Variants in FAAH2 observed in about 807,000 individuals in gnomAD.
The protein encoded by FAAH2 is fatty acid amide hydrolase 2, also known as fatty-acid amide hydrolase 2.
A neutral mutation model predicts 36.9 loss-of-function variants in FAAH2; 60 were observed. The ratio of observed to expected loss-of-function variants is 1.63; its 90% CI spans 1.32 to 2.02. The LOEUF (loss-of-function observed/expected upper bound fraction) is 2.02. FAAH2 is among the 30% of genes most tolerant of loss of function. The pLI, the probability that FAAH2 is intolerant of heterozygous loss-of-function variation, is 0.00. For synonymous variants in FAAH2, 214 were observed against 143.8 expected, an observed-to-expected ratio of 1.49 and a Z score of -3.49; for missense variants, 689 against 397.5, an observed-to-expected ratio of 1.73 and a Z score of -6.23.
chrX:57,221,709 T>G, the FAAH2 span, among the ~76,000 whole-genome samples: 1 of 111,205 alleles, frequency 9.0e-6, no homozygotes, highest in African/African-American at 3.3e-5. Context: ...CTCATTTTTC[T>G]GTTCTAAACC....
intron 8 of FAAH2, among the ~76,000 whole-genome samples, chrX:57,433,707 C>T (rs961590490): frequency 8.9e-6 from 1 of 112,087 alleles, no homozygotes; most frequent in African/African-American, 3.2e-5. Flanking sequence ...AACACTAGAC[C>T]TTATTTCTTC....
intron 7 of FAAH2, among the ~76,000 whole-genome samples, chrX:57,423,974 T>C (rs889331226): frequency 1.8e-5 from 2 of 111,031 alleles, no homozygotes; most frequent in African/African-American, 6.6e-5. Context: ...CATTACAACA[T>C]CGGCCGACAC....
chrX:57,330,470 C>T (rs890161871), intron 3 of FAAH2, among the ~76,000 whole-genome samples: 7 of 111,446 alleles, frequency 6.3e-5, no homozygotes, highest in Admixed American at 9.5e-5. Context: ...CAATGGTGCC[C>T]GAAACTTCAT....
At chrX:57,347,604 G>GTTTTTTT (rs61323098) in intron 5 of FAAH2, among the ~76,000 whole-genome samples, 1 of 77,886 alleles carries the variant, frequency 1.3e-5, no homozygotes, top group African/African-American at 6.5e-5. Context: ...GGGATGCTAA[G>GTTTTTTT]TTTTTTTTTT....
chrX:57,163,657 G>C, the FAAH2 span, among the ~76,000 whole-genome samples: 1 of 112,206 alleles, frequency 8.9e-6, no homozygotes, highest in Non-Finnish European at 1.9e-5. Flanking sequence ...TCTTTGACTT[G>C]GAAAGGGAAC....
chrX:57,352,650 A>T (rs760631902), intron 5 of FAAH2, among the ~76,000 whole-genome samples: 2 of 111,369 alleles, frequency 1.8e-5, no homozygotes, highest in Admixed American at 1.9e-4. Context: ...ACATCCAATT[A>T]GAAAAAGACG....
At chrX:57,322,241 C>T (rs766597975) in intron 3 of FAAH2, among the ~76,000 whole-genome samples, 8 of 111,573 alleles carry the variant, frequency 7.2e-5, no homozygotes, top group African/African-American at 1.3e-4. Context: ...CCGCGCTCCT[C>T]GGCCTCCCAA....
chrX:57,445,947 G>A (rs1205724770), intron 8 of FAAH2, among the ~76,000 whole-genome samples: 2 of 112,303 alleles, frequency 1.8e-5, no homozygotes, highest in Non-Finnish European at 3.8e-5. Context: ...TTCAGGCCTC[G>A]GGCCATGTTA....
intron 1 of FAAH2, 52 bp downstream of exon 1, chrX:57,287,069 C>T: frequency 9.2e-7 from 1 of 1,081,242 alleles, no homozygotes; most frequent in South Asian, 2.6e-5. Context: ...TAGCAGGATC[C>T]AGGAAGCTTA....
chrX:57,285,398 G>A (rs1476218123), upstream of FAAH2, among the ~76,000 whole-genome samples: 1 of 112,181 alleles, frequency 8.9e-6, no homozygotes, highest in Non-Finnish European at 1.9e-5. Context: ...CCTATGTCAG[G>A]CTCTGGCAAT....
chrX:57,415,173 A>C (rs1051000441), intron 7 of FAAH2, among the ~76,000 whole-genome samples: 1 of 110,111 alleles, frequency 9.1e-6, no homozygotes, highest in Admixed American at 9.7e-5. Flanking sequence ...CTGTACAAAA[A>C]AAAACAGCTC....
the FAAH2 span, among the ~76,000 whole-genome samples, chrX:57,226,200 T>C: frequency 8.9e-6 from 1 of 112,029 alleles, no homozygotes; most frequent in Non-Finnish European, 1.9e-5. Context: ...GTGTACTTTG[T>C]TTTTGTTGTT....
chrX:57,261,757 A>T, the FAAH2 span, among the ~76,000 whole-genome samples: 1 of 110,037 alleles, frequency 9.1e-6, no homozygotes, highest in African/African-American at 3.3e-5. Context: ...AAAGTAAATC[A>T]CTCTGAGTTC....
chrX:57,151,480 A>G, the FAAH2 span, among the ~76,000 whole-genome samples: 2 of 110,930 alleles, frequency 1.8e-5, no homozygotes, highest in Non-Finnish European at 3.8e-5. Flanking sequence ...TTTTTTCTCT[A>G]AACTTCCCTT....
the FAAH2 span, among the ~76,000 whole-genome samples, chrX:57,204,896 G>T: frequency 6.5e-3 from 731 of 112,393 alleles, 5 homozygotes; most frequent in African/African-American, 0.023. Context: ...CTAGTAACGT[G>T]TTTAATATTC....
chrX:57,201,053 G>GTTTTTTTTTTT, the FAAH2 span, among the ~76,000 whole-genome samples: 3 of 96,543 alleles, frequency 3.1e-5, no homozygotes, highest in Non-Finnish European at 4.1e-5. Context: ...TAGGGTAAAA[G>GTTTTTTTTTTT]TTTTTTTTTT....
intron 7 of FAAH2, chrX:57,393,794 G>T (rs769669870): frequency 1.0e-5 from 9 of 876,442 alleles, no homozygotes; most frequent in East Asian, 3.1e-5. Flanking sequence ...ACTTTTCTTC[G>T]TTGGAGCCTG....
intron 1 of FAAH2, among the ~76,000 whole-genome samples, chrX:57,289,900 T>A (rs2051925711): frequency 9.1e-6 from 1 of 110,419 alleles, no homozygotes; most frequent in Non-Finnish European, 1.9e-5. Flanking sequence ...GCTTTCACTT[T>A]TCATTTGTAC....
chrX:57,292,348 C>T (rs2052009642), intron 1 of FAAH2, 150 bp from the exon 2 acceptor site: 3 of 407,439 alleles, frequency 7.4e-6, no homozygotes, highest in Non-Finnish European at 1.2e-5. Flanking sequence ...TCCTTAGCTT[C>T]ATATTTTGCC....
Sources: allele counts gnomAD v4.1 joint callset (sites outside exome capture counted in the v4.1 genomes callset), GRCh38; gene constraint gnomAD v4.1.1; transcripts MANE v1.5; gene names NCBI Gene and HGNC (gene_info 2026-07-23, HGNC 2026-07-21).